The following WDR41 variants were observed in gnomAD, a reference collection of about 807,000 sequenced individuals.
WDR41 encodes WD repeat-containing protein 41.
Under a neutral mutation model 69.3 loss-of-function variants are expected in WDR41, and 63 were observed. The observed-to-expected ratio is 0.91, with a 90% CI of 0.74 to 1.12. The LOEUF (loss-of-function observed/expected upper bound fraction) is 1.12, where lower values mean the gene tolerates loss of function less well. WDR41 is among the 50% of genes most tolerant of loss of function. The pLI is 0.00. For missense variants in WDR41, 543 were observed against 534.5 expected, an observed-to-expected ratio of 1.02 and a Z score of -0.16; for synonymous variants, 185 against 192.1, an observed-to-expected ratio of 0.96 and a Z score of 0.31.
chr5:77,479,168 A>C (rs1801105422), intron 2 of WDR41, among the ~76,000 whole-genome samples: 1 of 151,990 alleles, frequency 6.6e-6, no homozygotes, highest in South Asian at 2.1e-4. Flanking sequence ...CAATGAAATA[A>C]AAGAGGATAC....
intron 2 of WDR41, among the ~76,000 whole-genome samples, chr5:77,475,368 G>A (rs1190879767): frequency 1.3e-5 from 2 of 152,240 alleles, no homozygotes; most frequent in African/African-American, 2.4e-5. Flanking sequence ...TCTGGGGGCA[G>A]GGCACAGACA....
At chr5:77,525,595 A>C (rs998453492) in intron 1 of WDR41, among the ~76,000 whole-genome samples, 1 of 152,142 alleles carries the variant, frequency 6.6e-6, no homozygotes, top group African/African-American at 2.4e-5. Context: ...GGTTTAGGGA[A>C]GATCTAGACT....
Position 77,479,228 on chromosome 5 carries a change from G to A in WDR41, c.167+10229C>T, listed in dbSNP as rs898917365. ...CTCATGGGTAGGAAGAATCAGTACC[G>A]TGAAAATGGCCATACTGCCCAAGGT... On this transcript the variant is annotated intron_variant, in intron 2 of 12. Transcript: ENST00000296679. Among the ~76,000 whole-genome samples the A allele has an allele frequency of 3.0e-4, 46 of 151,698 alleles. No individual in the cohort carries two copies. In the South Asian group the frequency reaches 3.1e-3, roughly 10 times the overall value.
chr5:77,552,013 A>C (rs1415370193), intron 1 of WDR41, among the ~76,000 whole-genome samples: 64 of 128,996 alleles, frequency 5.0e-4, no homozygotes, highest in African/African-American at 1.7e-3. Context: ...AATAAAATAA[A>C]ATAAAATAAA....
At chr5:77,464,836 A>AC (rs778715870) in intron 2 of WDR41, 27 bp from the exon 3 acceptor site, 1 of 1,611,956 alleles carries the variant, frequency 6.2e-7, no homozygotes, top group South Asian at 1.1e-5. Flanking sequence ...GGTCAAGAAA[A>AC]AAAAATCACT....
chr5:77,489,438 G>A lies in WDR41; in HGVS notation c.167+19C>T, dbSNP rs759073471. 3.4e-6 allele frequency: 5 copies of A among 1,465,388 alleles called. No homozygotes were observed. In the Admixed American group the frequency reaches 6.4e-5, roughly 19 times the overall value. The allele number at this position is 1,465,388 out of a possible 1,614,324, so 90.8% of individuals were successfully genotyped here. On this transcript the variant is annotated intron_variant, in intron 2 of 12. Coordinates refer to ENST00000296679, the MANE Select transcript of WDR41 (RefSeq NM_018268.4). Reference sequence around the variant, plus strand: ...CCTCTTCCCAAACAATAGTCAATTAGACCACTATAGCTTCTTACCTGTAGT... The same window carrying A: ...CCTCTTCCCAAACAATAGTCAATTAAACCACTATAGCTTCTTACCTGTAGT...
chr5:77,431,582 G>C lies in WDR41; in HGVS notation c.*1553C>G, dbSNP rs1209305478. On this transcript the variant is annotated 3_prime_UTR_variant, in exon 13 of 13. Coordinates refer to ENST00000296679, the MANE Select transcript of WDR41 (RefSeq NM_018268.4). The stretch of plus-strand genomic sequence containing the variant: ...AGAAGGAATTTGCTGTGGTACTTAC[G>C]GTACCATTTGCTTCCAAAATTCATG... 6.6e-6 allele frequency: 1 copy of C among 151,948 alleles called. No individual in the cohort carries two copies. Among genetic ancestry groups the C allele is most frequent in the Non-Finnish European group, 1.5e-5 (1 of 67,996 alleles). 9.4% of individuals were successfully genotyped at this position (151,948 alleles called of 1,614,324 possible).
intron 1 of WDR41, among the ~76,000 whole-genome samples, chr5:77,544,497 T>C (rs1743152443): frequency 6.6e-6 from 1 of 151,872 alleles, no homozygotes; most frequent in South Asian, 2.1e-4. Flanking sequence ...AAAGGGACAA[T>C]GAAAGCAAGT....
chr5:77,474,250 C>A lies in WDR41; in HGVS notation c.168-9441G>T, dbSNP rs375130825. Among the ~76,000 whole-genome samples, 868 of 151,520 alleles carry A rather than the reference C, an allele frequency of 5.7e-3. 3 individuals carry two copies. The highest frequency in any genetic ancestry group is 0.01 in the Non-Finnish European group (682 of 67,770). ...AACTGAACAATGAGAACACATGGAC[C>A]CAGGAAGGAGAACATCACACACCAG... On this transcript the variant is annotated intron_variant, in intron 2 of 12. Coordinates refer to ENST00000296679, the MANE Select transcript of WDR41 (RefSeq NM_018268.4).
At chr5:77,527,908 C>A (rs987527418) in intron 1 of WDR41, among the ~76,000 whole-genome samples, 1 of 151,320 alleles carries the variant, frequency 6.6e-6, no homozygotes, top group Admixed American at 6.6e-5. Flanking sequence ...ACTTGTAAGG[C>A]GTAGTTTAAA....
chr5:77,493,242 C>T (rs1471298780), upstream of WDR41, among the ~76,000 whole-genome samples: 1 of 152,160 alleles, frequency 6.6e-6, no homozygotes, highest in Non-Finnish European at 1.5e-5. Context: ...ACTACTTATA[C>T]ATATCATGTT....
intron 1 of WDR41, among the ~76,000 whole-genome samples, chr5:77,542,209 G>C (rs1743100270): frequency 1.3e-5 from 2 of 152,138 alleles, no homozygotes. Context: ...TTGTAAGTGG[G>C]TGCTGAATGA....
intron 1 of WDR41, among the ~76,000 whole-genome samples, chr5:77,520,347 T>C (rs1221862917): frequency 3.3e-5 from 5 of 152,168 alleles, no homozygotes; most frequent in Admixed American, 6.5e-5. Context: ...TTAAGATCTT[T>C]TCCAGCATTA....
intron 1 of WDR41, among the ~76,000 whole-genome samples, chr5:77,613,877 A>C (rs1580054071): frequency 3.3e-5 from 5 of 152,354 alleles, no homozygotes; most frequent in African/African-American, 1.2e-4. Flanking sequence ...AATGGGAGAA[A>C]ATTTTTGCAA....
intron 1 of WDR41, among the ~76,000 whole-genome samples, chr5:77,551,499 G>A (rs765922508): frequency 6.0e-5 from 9 of 148,906 alleles, no homozygotes; most frequent in Non-Finnish European, 1.0e-4. Flanking sequence ...CCAACATAGC[G>A]AAACCCTGTC....
intron 1 of WDR41, chr5:77,545,953 G>C (rs1458632035): frequency 2.0e-6 from 1 of 488,962 alleles, no homozygotes; most frequent in African/African-American, 2.0e-5. Flanking sequence ...GGCCGCTGTG[G>C]CTCCGTGCTG....
At position 77,602,564 on chromosome 5, in the gene WDR41, T is replaced by C. The variant is rs112549416; in HGVS notation, c.42+17915A>G. Among the ~76,000 whole-genome samples the C allele has an allele frequency of 5.9e-3, 905 of 152,134 alleles. 10 individuals carry two copies. Among genetic ancestry groups the C allele is most frequent in the African/African-American group, 0.021 (856 of 41,490 alleles). On this transcript the variant is annotated intron_variant, in intron 1 of 5. Transcript: ENST00000509971. ...ACATCATGACCTCTAGATCCATCCA[T>C]GTTGCTGCAAATGACATGATTTTTT...
intron 1 of WDR41, among the ~76,000 whole-genome samples, chr5:77,557,634 A>T (rs75539748): frequency 0.019 from 2,870 of 152,284 alleles, 44 homozygotes; most frequent in Middle Eastern, 0.051. Context: ...CGCTTTGAAA[A>T]AGCAGTCTGG....
intron 1 of WDR41, among the ~76,000 whole-genome samples, chr5:77,608,237 CATGTGTCAGA>C (rs1744464520): frequency 6.6e-6 from 1 of 152,178 alleles, no homozygotes; most frequent in Non-Finnish European, 1.5e-5. Context: ...TATGTTGTAG[CATGTGTCAGA>C]ATTTCCTTCT....
Sources: gnomAD v4.1 joint callset for allele counts (sites outside exome capture counted in the v4.1 genomes callset) on GRCh38, gnomAD v4.1.1 for gene constraint, MANE v1.5 for transcripts, NCBI Gene and HGNC (gene_info 2026-07-23, HGNC 2026-07-21) for gene names.